Variants in HYKK observed in about 807,000 individuals in gnomAD.
The protein encoded by HYKK is 5-hydroxy-L-lysine kinase.
A neutral mutation model predicts 29.7 loss-of-function variants in HYKK; 19 were observed. That is an observed-to-expected ratio of 0.64 (90% confidence interval 0.45 to 0.94). HYKK has a LOEUF of 0.94. Ranked by LOEUF, HYKK falls within the 40% of genes least tolerant of loss-of-function variation. The pLI, the probability that HYKK is intolerant of heterozygous loss-of-function variation, is 0.00. For synonymous variants in HYKK, 152 were observed against 158.1 expected, an observed-to-expected ratio of 0.96 and a Z score of 0.29; for missense variants, 390 against 443.4, an observed-to-expected ratio of 0.88 and a Z score of 1.08.
intron 3 of HYKK, among the ~76,000 whole-genome samples, chr15:78,525,149 TA>T: frequency 6.6e-6 from 1 of 152,152 alleles, no homozygotes; most frequent in African/African-American, 2.4e-5. Context: ...TTTTTTTTTT[TA>T]TTTTTATTTG....
At chr15:78,537,032 T>C (rs1010266115), downstream of HYKK, among the ~76,000 whole-genome samples, 1 of 152,168 alleles carries the variant, frequency 6.6e-6, no homozygotes, top group Non-Finnish European at 1.5e-5. Context: ...GCCCCTCAGG[T>C]TCTTAGGTCC....
intron 3 of HYKK, among the ~76,000 whole-genome samples, chr15:78,516,863 A>T (rs1189307088): frequency 1.3e-5 from 2 of 151,932 alleles, no homozygotes; most frequent in Admixed American, 1.3e-4. Flanking sequence ...TCTACTAAAA[A>T]TACAAAAAAT....
At chr15:78,532,499 A>G (rs978208553) in intron 4 of HYKK, among the ~76,000 whole-genome samples, 1 of 152,234 alleles carries the variant, frequency 6.6e-6, no homozygotes, top group Admixed American at 6.5e-5. Flanking sequence ...AATTTTGTTT[A>G]AAATCCTAGC....
chr15:78,528,629 C>G (rs1024637844), intron 4 of HYKK: 5 of 524,688 alleles, frequency 9.5e-6, no homozygotes, highest in African/African-American at 8.3e-5. Context: ...GTGGTGAAAC[C>G]CTGTTTCTAA....
chr15:78,517,111 T>TTCTTTCTTTC (rs543987017), intron 3 of HYKK, among the ~76,000 whole-genome samples: 3 of 67,666 alleles, frequency 4.4e-5, no homozygotes, highest in African/African-American at 8.9e-5. Flanking sequence ...CTTTCTTTCT[T>TTCTTTCTTTC]TTTTTTTTTT....
intron 4 of HYKK, among the ~76,000 whole-genome samples, chr15:78,532,461 G>A (rs1328785328): frequency 2.6e-5 from 4 of 152,136 alleles, no homozygotes; most frequent in African/African-American, 7.2e-5. Flanking sequence ...CAAAAAAAGG[G>A]AAATTTAGAA....
rs1042202370 is a variant in HYKK, at chr15:78,513,954, G to C, written c.337+529G>C. Among the ~76,000 whole-genome samples the C allele has an allele frequency of 2.0e-5, 3 of 152,144 alleles. 1 individual carries two copies. In the South Asian group the frequency reaches 6.2e-4, roughly 32 times the overall value. ...CTACAGGCATGCATCACCACGCCCA[G>C]CTAATTTTGTAGTGTTCTGTAGAGG... On this transcript the variant is annotated intron_variant, in intron 2 of 4. Coordinates refer to ENST00000388988, the MANE Select transcript of HYKK (RefSeq NM_001013619.4).
rs760456169 is a variant in HYKK, at chr15:78,513,093, C to T, written c.5C>T (p.Ser2Leu). The T allele has an allele frequency of 1.3e-6, 2 of 1,596,236 alleles. No homozygotes were observed. The highest frequency in any genetic ancestry group is 1.7e-6 in the Non-Finnish European group (2 of 1,165,384). ...CTTTTTGTTCCCCTAGACATAATGT[C>T]AAGTGGAAACTATCAGCAGTCAGAG... MSSGNYQQSEAL... is the reference protein window; with the variant it reads MLSGNYQQSEAL... Residue 2 changes from serine (S) to leucine (L), a missense_variant, in exon 2 of 5, where the codon TCA (serine) becomes TTA (leucine). Ser to Leu is a moderately radical substitution (Grantham distance 145, BLOSUM62 -2). Coordinates refer to ENST00000388988, the MANE Select transcript of HYKK (RefSeq NM_001013619.4).
Position 78,514,908 on chromosome 15 carries a change from C to CTCTCTCTCTCTCTCTA in HYKK, c.338-59_338-58insCTCTCTCTCTCTCTAT, listed in dbSNP as rs766004199. On this transcript the variant is annotated intron_variant, in intron 2 of 4. Transcript: ENST00000388988. ...TAAATACCTCTCTCTCTCTCTCTCTCTATATATATATATATATATAAATAA... is the reference window on the plus strand; with the variant it reads ...TAAATACCTCTCTCTCTCTCTCTCTCTCTCTCTCTCTCTCTATATATATATATATATATATAAATAA... 427 of 385,400 alleles carry CTCTCTCTCTCTCTCTA rather than the reference C, an allele frequency of 1.1e-3. 1 individual carries two copies. Among genetic ancestry groups the CTCTCTCTCTCTCTCTA allele is most frequent in the African/African-American group, 8.1e-3 (328 of 40,458 alleles). The allele number at this position is 385,400 out of a possible 1,614,324, so 23.9% of individuals were successfully genotyped here.
intron 4 of HYKK, chr15:78,528,334 G>A (rs747356907): frequency 1.5e-4 from 101 of 655,564 alleles, no homozygotes; most frequent in East Asian, 2.7e-4. Flanking sequence ...CCATCCTTCC[G>A]CTGTCTCCTG....
rs2052346335 is a variant in HYKK, at chr15:78,534,749, G to T, written c.*1079G>T. ...GAGGGTGGTTGAAACTGGAACTCCAGAGATAGATGCTGGAAGACCCTGGGA... is the reference window on the plus strand; with the variant it reads ...GAGGGTGGTTGAAACTGGAACTCCATAGATAGATGCTGGAAGACCCTGGGA... On this transcript the variant is annotated 3_prime_UTR_variant, in exon 5 of 5. Transcript: ENST00000388988. 6.6e-6 allele frequency: 1 copy of T among 152,194 alleles called. No homozygotes were observed. Among genetic ancestry groups the T allele is most frequent in the South Asian group, 2.1e-4 (1 of 4,834 alleles). The allele number at this position is 152,194 out of a possible 1,614,324, so 9.4% of individuals were successfully genotyped here. A position where few individuals can be genotyped will look rare whatever the true frequency, so the allele number is the denominator to read the frequency against.
At chr15:78,523,095 A>G (rs550456359) in intron 3 of HYKK, among the ~76,000 whole-genome samples, 76 of 152,314 alleles carry the variant, frequency 5.0e-4, no homozygotes, top group Non-Finnish European at 9.3e-4. Context: ...AGTACCTACC[A>G]TGGGAAGTGT....
In HYKK at chr15:78,536,524, T is replaced by C. The variant is rs981705506; in HGVS notation, c.*2854T>C. The C allele has an allele frequency of 1.2e-4, 18 of 152,220 alleles. No homozygotes were observed. Among genetic ancestry groups the C allele is most frequent in the African/African-American group, 4.1e-4 (17 of 41,448 alleles). 9.4% of individuals were successfully genotyped at this position (152,220 alleles called of 1,614,324 possible). On this transcript the variant is annotated 3_prime_UTR_variant, in exon 5 of 5. Transcript: ENST00000388988. ...TGTTGATCCTCTGAATTGATGAAAC[T>C]GTATAGATTTCCCTCTTGATTGCCC...
intron 3 of HYKK, among the ~76,000 whole-genome samples, chr15:78,519,716 G>A (rs996724471): frequency 2.0e-5 from 3 of 152,216 alleles, no homozygotes; most frequent in East Asian, 1.9e-4. Flanking sequence ...AGGCGAGACC[G>A]CACCACTGCA....
chr15:78,525,783 G>A (rs750068684), intron 3 of HYKK, among the ~76,000 whole-genome samples: 1 of 152,202 alleles, frequency 6.6e-6, no homozygotes, highest in Non-Finnish European at 1.5e-5. Flanking sequence ...ACAGGCATGA[G>A]CCACCACGCC....
At chr15:78,523,724 G>A (rs2141360586) in intron 3 of HYKK, among the ~76,000 whole-genome samples, 1 of 152,268 alleles carries the variant, frequency 6.6e-6, no homozygotes, top group East Asian at 1.9e-4. Flanking sequence ...AGATACAATG[G>A]GAGTATAGAC....
chr15:78,515,069 AT>A lies in HYKK; in HGVS notation c.441del (p.Ile147MetfsTer4), dbSNP rs754994896. Reference sequence around the variant, plus strand: ...CGTCAGCCCCCAGCTATTGTATGAAATTGGAAAACTAGCTGCCAAATTGGAT... The same window carrying A: ...CGTCAGCCCCCAGCTATTGTATGAAATGGAAAACTAGCTGCCAAATTGGAT... ...LPVSPQLLYEIGKLAAKLDKT... is the reference protein window; with the variant it reads ...LPVSPQLLYEXGKLAAKLDKT... On this transcript the variant is annotated frameshift_variant, in exon 3 of 5. Coordinates refer to ENST00000388988, the MANE Select transcript of HYKK (RefSeq NM_001013619.4). LOFTEE classifies it high-confidence loss of function. 43 of 1,598,196 alleles carry A rather than the reference AT, an allele frequency of 2.7e-5. No homozygotes were observed. Among genetic ancestry groups the A allele is most frequent in the Non-Finnish European group, 3.3e-5 (39 of 1,171,526 alleles).
chr15:78,520,294 T>G (rs1050002002), intron 3 of HYKK, among the ~76,000 whole-genome samples: 4 of 151,854 alleles, frequency 2.6e-5, no homozygotes, highest in African/African-American at 9.7e-5. Flanking sequence ...AGAGGGGGAT[T>G]TGGCAGGGTC....
chr15:78,531,303 A>T (rs74712532), intron 4 of HYKK, among the ~76,000 whole-genome samples: 5,441 of 152,278 alleles, frequency 0.036, 349 homozygotes, highest in African/African-American at 0.13. Context: ...TGAATGGTTC[A>T]TGTGTGCTTT....
Sources: allele counts gnomAD v4.1 joint callset (sites outside exome capture counted in the v4.1 genomes callset), GRCh38; gene constraint gnomAD v4.1.1; transcripts MANE v1.5; gene names NCBI Gene and HGNC (gene_info 2026-07-23, HGNC 2026-07-21).